NAV1: variants seen among roughly 807,000 people sequenced by gnomAD.
NAV1 encodes the protein neuron navigator 1, also known as pore membrane and/or filament interacting like protein 3.
A neutral mutation model predicts 175.2 loss-of-function variants in NAV1; 18 were observed. The observed-to-expected ratio is 0.10, with a 90% CI of 0.07 to 0.15. The LOEUF is 0.15. Ranked by LOEUF, NAV1 falls within the 10% of genes least tolerant of loss-of-function variation. The pLI is 1.00. For missense variants in NAV1, 1,731 were observed against 2,436.6 expected (o/e 0.71, Z 6.10); for synonymous variants, 897 against 978.7 (o/e 0.92, Z 1.56).
intron 3 of NAV1, among the ~76,000 whole-genome samples, chr1:201,763,022 A>T (rs1279874281): frequency 6.6e-6 from 1 of 152,222 alleles, no homozygotes; most frequent in Non-Finnish European, 1.5e-5. Context: ...AATCCTACTG[A>T]CTATTCTTAG....
chr1:201,638,344 A>C (rs1052364002), intron 2 of NAV1, among the ~76,000 whole-genome samples: 9 of 152,158 alleles, frequency 5.9e-5, no homozygotes, highest in Non-Finnish European at 1.2e-4. Context: ...CTCTGTCTGA[A>C]GGATTCTCCT....
chr1:201,744,529 A>G (rs1571922026), intron 3 of NAV1, among the ~76,000 whole-genome samples: 2 of 152,222 alleles, frequency 1.3e-5, no homozygotes, highest in Admixed American at 1.3e-4. Context: ...ATTATTTCAA[A>G]CCATGAGAAA....
intron 1 of NAV1, among the ~76,000 whole-genome samples, chr1:201,623,942 T>A (rs1668250138): frequency 6.6e-6 from 1 of 152,226 alleles, no homozygotes; most frequent in South Asian, 2.1e-4. Context: ...CGTGGAAGCT[T>A]AAGCAGCTAG....
chr1:201,566,705 A>G (rs897636147), intron 1 of NAV1, among the ~76,000 whole-genome samples: 2 of 151,886 alleles, frequency 1.3e-5, no homozygotes, highest in African/African-American at 4.8e-5. Context: ...TTTCTTCCTG[A>G]TTAACAAAGC....
At chr1:201,765,683 C>G (rs1675172856) in intron 3 of NAV1, among the ~76,000 whole-genome samples, 1 of 152,136 alleles carries the variant, frequency 6.6e-6, no homozygotes, top group South Asian at 2.1e-4. Flanking sequence ...GCATAAGCCA[C>G]CACACCCGGC....
At chr1:201,746,754 A>G (rs1673792957) in intron 3 of NAV1, among the ~76,000 whole-genome samples, 1 of 152,124 alleles carries the variant, frequency 6.6e-6, no homozygotes, top group African/African-American at 2.4e-5. Flanking sequence ...TAATCCCAGC[A>G]CTTTGGGAGG....
At chr1:201,737,487 C>T (rs1228176292) in intron 3 of NAV1, 1 of 152,204 alleles carries the variant, frequency 6.6e-6, no homozygotes, top group Non-Finnish European at 1.5e-5. Flanking sequence ...GAGCTACTGG[C>T]TGAGACTTGT....
chr1:201,576,509 TGGA>T (rs898773387), intron 1 of NAV1, among the ~76,000 whole-genome samples: 11 of 152,008 alleles, frequency 7.2e-5, no homozygotes, highest in African/African-American at 2.7e-4. Context: ...AGGAGGCTGA[TGGA>T]GGAGGATCCC....
At chr1:201,617,354 C>T (rs537741938) in intron 2 of NAV1, among the ~76,000 whole-genome samples, 1 of 152,124 alleles carries the variant, frequency 6.6e-6, no homozygotes, top group Non-Finnish European at 1.5e-5. Flanking sequence ...TGAGACTCCC[C>T]AGACACATTG....
chr1:201,608,433 C>T (rs533275197), intron 2 of NAV1, among the ~76,000 whole-genome samples: 2 of 152,340 alleles, frequency 1.3e-5, no homozygotes, highest in South Asian at 2.1e-4. Flanking sequence ...TGGGCAGCCT[C>T]GGTCTAACCT....
intron 3 of NAV1, among the ~76,000 whole-genome samples, chr1:201,770,867 C>T (rs937119720): frequency 7.9e-5 from 12 of 152,132 alleles, no homozygotes; most frequent in Admixed American, 6.6e-5. Flanking sequence ...TGAGAAAGAT[C>T]CCTGCCCCCA....
At chr1:201,557,873 C>T (rs998472949) in intron 1 of NAV1, among the ~76,000 whole-genome samples, 2 of 152,048 alleles carry the variant, frequency 1.3e-5, no homozygotes, top group Admixed American at 6.5e-5. Context: ...TCAGGGGCTG[C>T]GGAAAGGAAG....
chr1:201,600,916 C>T (rs1295516564), intron 2 of NAV1, among the ~76,000 whole-genome samples: 4 of 152,176 alleles, frequency 2.6e-5, no homozygotes, highest in Non-Finnish European at 5.9e-5. Flanking sequence ...GAGGTTTGCC[C>T]TTCCCTGGGT....
intron 3 of NAV1, among the ~76,000 whole-genome samples, chr1:201,749,120 C>A (rs1229772527): frequency 1.3e-5 from 2 of 152,122 alleles, no homozygotes; most frequent in Non-Finnish European, 2.9e-5. Context: ...TGCACTCCAG[C>A]CTGGGCAACA....
intron 1 of NAV1, among the ~76,000 whole-genome samples, chr1:201,695,929 A>T (rs549782822): frequency 7.9e-5 from 12 of 152,184 alleles, no homozygotes; most frequent in Non-Finnish European, 2.9e-5. Context: ...TCCTCTTCGT[A>T]TCCCTGCCCT....
upstream of NAV1, among the ~76,000 whole-genome samples, chr1:201,620,449 T>C (rs1668128685): frequency 1.4e-5 from 2 of 145,312 alleles, no homozygotes; most frequent in South Asian, 4.3e-4. Flanking sequence ...GGGAGACATA[T>C]ACTCTTTTTT....
chr1:201,675,484 A>T (rs1670211425), intron 1 of NAV1, among the ~76,000 whole-genome samples: 2 of 152,210 alleles, frequency 1.3e-5, no homozygotes, highest in Admixed American at 1.3e-4. Context: ...GCTTTTAGAC[A>T]GTGCACTTAG....
At chr1:201,594,622 T>C (rs1571837405) in intron 2 of NAV1, among the ~76,000 whole-genome samples, 1 of 152,204 alleles carries the variant, frequency 6.6e-6, no homozygotes, top group African/African-American at 2.4e-5. Context: ...GGCAGCAAAG[T>C]AGCATTATCC....
intron 2 of NAV1, among the ~76,000 whole-genome samples, chr1:201,630,341 A>G (rs1245042775): frequency 1.3e-5 from 2 of 152,200 alleles, no homozygotes. Context: ...CAAAGTAATA[A>G]ATTTCCTTTT....
Sources: gnomAD v4.1 joint callset for allele counts (sites outside exome capture counted in the v4.1 genomes callset) on GRCh38, gnomAD v4.1.1 for gene constraint, MANE v1.5 for transcripts, NCBI Gene and HGNC (gene_info 2026-07-23, HGNC 2026-07-21) for gene names.